The following SH2D4A variants were observed in gnomAD, a reference collection of about 807,000 sequenced individuals.
SH2D4A encodes the protein SH2 domain containing 4A.
Under a neutral mutation model 64.7 loss-of-function variants are expected in SH2D4A, and 70 were observed. The observed-to-expected ratio is 1.08, with a 90% CI of 0.89 to 1.32. The LOEUF (loss-of-function observed/expected upper bound fraction) is 1.32, where lower values mean the gene tolerates loss of function less well. SH2D4A is among the 40% of genes most tolerant of loss of function. The probability of loss-of-function intolerance (pLI) is 0.00; values close to 1 mark genes in which losing one functional copy is unlikely to be tolerated. For synonymous variants in SH2D4A, 268 were observed against 200.7 expected (o/e 1.34, Z -2.83); for missense variants, 706 against 540.1 (o/e 1.31, Z -3.04).
chr8:19,349,253 C>T (rs990991695), intron 4 of SH2D4A, among the ~76,000 whole-genome samples: 9 of 152,122 alleles, frequency 5.9e-5, no homozygotes, highest in Admixed American at 3.3e-4. Flanking sequence ...CACAACTACC[C>T]AAGTAGTTTC....
chr8:19,330,820 T>TA (rs202065022), intron 2 of SH2D4A, among the ~76,000 whole-genome samples: 5 of 151,584 alleles, frequency 3.3e-5, no homozygotes, highest in Admixed American at 6.6e-5. Flanking sequence ...GAGGCTGACA[T>TA]AAAAAAAATA....
intron 7 of SH2D4A, among the ~76,000 whole-genome samples, chr8:19,372,306 G>C (rs377440952): frequency 7.9e-5 from 12 of 152,300 alleles, no homozygotes; most frequent in African/African-American, 2.9e-4. Context: ...AGGGCTCTAT[G>C]ATTTACACAG....
chr8:19,314,014 G>T (rs1032616958), intron 1 of SH2D4A, 191 bp downstream of exon 1: 1 of 1,233,504 alleles, frequency 8.1e-7, no homozygotes, highest in Admixed American at 4.4e-5. Context: ...GTTGGGCGGC[G>T]AGAGCGGCCG....
chr8:19,350,426 G>A (rs928868752), intron 4 of SH2D4A, among the ~76,000 whole-genome samples: 3 of 152,256 alleles, frequency 2.0e-5, no homozygotes, highest in South Asian at 2.1e-4. Context: ...GTGCTCTAAC[G>A]TGCTCATAAT....
At chr8:19,329,100 T>G (rs1189138536) in intron 2 of SH2D4A, among the ~76,000 whole-genome samples, 4 of 152,204 alleles carry the variant, frequency 2.6e-5, no homozygotes, top group African/African-American at 9.7e-5. Context: ...CATGGCTGCC[T>G]GCTGATTCCC....
intron 4 of SH2D4A, among the ~76,000 whole-genome samples, chr8:19,337,152 T>C (rs559046960): frequency 3.9e-5 from 6 of 152,266 alleles, no homozygotes; most frequent in African/African-American, 1.4e-4. Flanking sequence ...TTTATATTCC[T>C]GCTTTTTATC....
In SH2D4A at chr8:19,382,823, C is replaced by CTTTTTTTTTTTTTTT. The variant is rs1159245319; in HGVS notation, c.1048+9174_1048+9188dup. ...TTTCTCTCTTGCTGCTTTTAAGATT[C>CTTTTTTTTTTTTTTT]TTTTTTTTTTTTTTTTTTTTTTTTT... On this transcript the variant is annotated intron_variant, in intron 8 of 9. Coordinates refer to ENST00000265807, the MANE Select transcript of SH2D4A (RefSeq NM_022071.4). Among the ~76,000 whole-genome samples, 28 of 64,632 alleles carry CTTTTTTTTTTTTTTT rather than the reference C, an allele frequency of 4.3e-4. 1 individual carries two copies. Among genetic ancestry groups the CTTTTTTTTTTTTTTT allele is most frequent in the Non-Finnish European group, 5.2e-4 (18 of 34,654 alleles). 42.4% of individuals were successfully genotyped at this position (64,632 alleles called of 152,430 possible).
At chr8:19,361,155 TTTTTGTTTTG>T in intron 5 of SH2D4A, 38 bp from the exon 6 acceptor site, 2 of 1,152,096 alleles carry the variant, frequency 1.7e-6, no homozygotes. Flanking sequence ...CAAGGTTCTT[TTTTTGTTTTG>T]TTTTGTTTTT....
chr8:19,390,676 G>A (rs1367262603), intron 8 of SH2D4A, among the ~76,000 whole-genome samples: 1 of 152,160 alleles, frequency 6.6e-6, no homozygotes, highest in East Asian at 1.9e-4. Flanking sequence ...AGGCTCCAGG[G>A]CACTGCCCTT....
chr8:19,349,225 G>C (rs973592317), intron 4 of SH2D4A, among the ~76,000 whole-genome samples: 1 of 152,104 alleles, frequency 6.6e-6, no homozygotes, highest in Non-Finnish European at 1.5e-5. Flanking sequence ...CAAGAGTGGA[G>C]CCCTAATCAG....
At chr8:19,355,977 A>G (rs1300968201) in intron 4 of SH2D4A, among the ~76,000 whole-genome samples, 1 of 152,174 alleles carries the variant, frequency 6.6e-6, no homozygotes, top group African/African-American at 2.4e-5. Context: ...ACAGTCCAGA[A>G]TAGGTGTTCT....
chr8:19,368,158 A>C (rs1475622236), intron 7 of SH2D4A, among the ~76,000 whole-genome samples: 1 of 152,158 alleles, frequency 6.6e-6, no homozygotes, highest in Non-Finnish European at 1.5e-5. Context: ...ATTGAAAATC[A>C]GTTGACTGTA....
intron 1 of SH2D4A, among the ~76,000 whole-genome samples, chr8:19,318,275 C>T (rs2052124724): frequency 6.6e-6 from 1 of 152,076 alleles, no homozygotes; most frequent in South Asian, 2.1e-4. Context: ...TATCTTATTA[C>T]ATCGAATCCA....
At chr8:19,320,515 T>C (rs1400260316) in intron 2 of SH2D4A, among the ~76,000 whole-genome samples, 1 of 151,374 alleles carries the variant, frequency 6.6e-6, no homozygotes, top group Non-Finnish European at 1.5e-5. Context: ...TCCCAACTAC[T>C]TGGGAGGCTG....
chr8:19,329,963 C>T (rs1475698613), intron 2 of SH2D4A, among the ~76,000 whole-genome samples: 2 of 152,200 alleles, frequency 1.3e-5, no homozygotes, highest in Admixed American at 6.5e-5. Context: ...TACCTCAGTG[C>T]CTGACACGTA....
chr8:19,316,365 ACCT>A, intron 1 of SH2D4A, among the ~76,000 whole-genome samples: 1 of 152,236 alleles, frequency 6.6e-6, no homozygotes, highest in East Asian at 1.9e-4. Flanking sequence ...GGTGCCATGA[ACCT>A]CCTTGCACAT....
In SH2D4A at chr8:19,352,227, ATGT is replaced by A. The variant is rs1215484216; in HGVS notation, c.514-4972_514-4970del. On this transcript the variant is annotated intron_variant, in intron 4 of 9. Coordinates refer to ENST00000265807, the MANE Select transcript of SH2D4A (RefSeq NM_022071.4). ...CATATTTTGTAACCATGTAATACTG[ATGT>A]TGTCAGCAGCACCTTTTTGTAACCC... 2.6e-5 allele frequency among the ~76,000 whole-genome samples: 4 copies of A among 152,354 alleles called. No homozygotes were observed. In the East Asian group the frequency reaches 5.8e-4, roughly 22 times the overall value.
At chr8:19,366,623 C>T (rs1370735889) in intron 7 of SH2D4A, among the ~76,000 whole-genome samples, 1 of 152,052 alleles carries the variant, frequency 6.6e-6, no homozygotes, top group African/African-American at 2.4e-5. Context: ...GGTGAAACCC[C>T]GTATTTACTA....
chr8:19,353,720 C>G (rs1286164683), intron 4 of SH2D4A, among the ~76,000 whole-genome samples: 1 of 146,122 alleles, frequency 6.8e-6, no homozygotes, highest in African/African-American at 2.5e-5. Context: ...CTTTTGGATC[C>G]CACATTTTCA....
Sources: allele counts gnomAD v4.1 joint callset (sites outside exome capture counted in the v4.1 genomes callset), GRCh38; gene constraint gnomAD v4.1.1; transcripts MANE v1.5; gene names NCBI Gene and HGNC (gene_info 2026-07-23, HGNC 2026-07-21).